PRPF18: variants seen among roughly 807,000 people sequenced by gnomAD.
PRPF18 encodes the protein pre-mRNA-splicing factor 18.
In PRPF18, 38 loss-of-function variants were observed where a neutral mutation model predicts 46.5. The ratio of observed to expected loss-of-function variants is 0.82; its 90% CI spans 0.63 to 1.07. The LOEUF (loss-of-function observed/expected upper bound fraction) is 1.07. PRPF18 is among the 50% of genes least tolerant of loss of function. PRPF18 has a pLI of 0.00. For synonymous variants in PRPF18, 152 were observed against 146.7 expected, an observed-to-expected ratio of 1.04 and a Z score of -0.26; for missense variants, 263 against 410.0, an observed-to-expected ratio of 0.64 and a Z score of 3.10.
At chr10:13,610,332 C>T in intron 5 of PRPF18, 147 bp downstream of exon 5, 1 of 923,694 alleles carries the variant, frequency 1.1e-6, no homozygotes, top group Non-Finnish European at 1.5e-6. Context: ...TTTATTTACT[C>T]CCCTTTTTCT....
At chr10:13,588,785 C>G (rs1046525401) in intron 1 of PRPF18, among the ~76,000 whole-genome samples, 15 of 152,206 alleles carry the variant, frequency 9.9e-5, no homozygotes, top group African/African-American at 3.6e-4. Context: ...AGATGATCTC[C>G]CTTACTTTAT....
At chr10:13,635,187 C>A (rs2080626399), downstream of PRPF18, among the ~76,000 whole-genome samples, 1 of 152,152 alleles carries the variant, frequency 6.6e-6, no homozygotes, top group South Asian at 2.1e-4. Context: ...AGGATAATGG[C>A]CTCCAGCTCC....
intron 9 of PRPF18, among the ~76,000 whole-genome samples, chr10:13,619,744 T>C (rs1300203537): frequency 6.6e-6 from 1 of 152,098 alleles, no homozygotes; most frequent in Non-Finnish European, 1.5e-5. Flanking sequence ...GCTTGGCCTC[T>C]CTGTTGATGA....
intron 9 of PRPF18, among the ~76,000 whole-genome samples, chr10:13,618,379 A>G (rs1424890838): frequency 1.3e-5 from 2 of 152,202 alleles, no homozygotes; most frequent in Admixed American, 6.5e-5. Context: ...TGTAATCCCA[A>G]CACTTCGAGT....
chr10:13,592,856 T>C (rs1043919335), intron 1 of PRPF18, among the ~76,000 whole-genome samples: 1 of 152,258 alleles, frequency 6.6e-6, no homozygotes, highest in Non-Finnish European at 1.5e-5. Flanking sequence ...ATATGCAAGA[T>C]ACTATGCTGT....
At chr10:13,617,943 T>C (rs1262543127) in intron 9 of PRPF18, among the ~76,000 whole-genome samples, 1 of 152,176 alleles carries the variant, frequency 6.6e-6, no homozygotes, top group Non-Finnish European at 1.5e-5. Flanking sequence ...AGTGGTATTC[T>C]TGTGGATAGG....
the PRPF18 span, chr10:13,653,719 C>T: frequency 6.6e-6 from 1 of 151,768 alleles, no homozygotes; most frequent in East Asian, 1.9e-4. Flanking sequence ...GAGATGATGT[C>T]TCAGGGGCAA....
At chr10:13,626,089 T>C (rs996282805) in intron 9 of PRPF18, among the ~76,000 whole-genome samples, 2 of 152,136 alleles carry the variant, frequency 1.3e-5, no homozygotes, top group Non-Finnish European at 2.9e-5. Flanking sequence ...AGTGGTAGAA[T>C]TGGGATTGGA....
chr10:13,618,665 T>A (rs1461089588), intron 9 of PRPF18, among the ~76,000 whole-genome samples: 1 of 149,734 alleles, frequency 6.7e-6, no homozygotes, highest in Non-Finnish European at 1.5e-5. Flanking sequence ...GGACTAAATT[T>A]AGTGTAATAA....
chr10:13,612,250 A>G (rs147100488), intron 6 of PRPF18, among the ~76,000 whole-genome samples: 154 of 152,216 alleles, frequency 1.0e-3, no homozygotes, highest in Non-Finnish European at 1.8e-3. Context: ...TCACAACAGC[A>G]GAATTAATAA....
chr10:13,645,189 A>G, the PRPF18 span: 1 of 152,138 alleles, frequency 6.6e-6, no homozygotes. Context: ...GGTAGAGCCT[A>G]TGGTTATTCT....
chr10:13,649,855 TA>T, the PRPF18 span, among the ~76,000 whole-genome samples: 1 of 152,204 alleles, frequency 6.6e-6, no homozygotes, highest in South Asian at 2.1e-4. Context: ...GGCCACTAAA[TA>T]GTTGCCCTAG....
chr10:13,605,672 A>G lies in PRPF18; in HGVS notation c.291A>G (p.Leu97=), dbSNP rs1032011840. 6.2e-7 allele frequency: 1 copy of G among 1,613,376 alleles called. No homozygotes were observed. Among genetic ancestry groups the G allele is most frequent in the Non-Finnish European group, 8.5e-7 (1 of 1,179,834 alleles). ...GAGAAAGAGGAGAACCAATCAGACT[A>G]TTTGGAGAGACTGATTATGATGCTT... ...RLRERGEPIR[L]FGETDYDAFQ... is the part of the protein sequence containing the mutation. Residue 97 remains leucine, a synonymous_variant, in exon 4 of 10, where the codon CTA becomes CTG. Transcript: ENST00000378572.
intron 5 of PRPF18, among the ~76,000 whole-genome samples, chr10:13,610,404 A>G (rs1410593969): frequency 1.3e-5 from 2 of 152,098 alleles, no homozygotes; most frequent in African/African-American, 4.8e-5. Flanking sequence ...AATATGTTGG[A>G]TATGCATCTT....
chr10:13,605,494 A>T (rs1038118576), intron 3 of PRPF18, 137 bp from the exon 4 acceptor site: 8 of 859,818 alleles, frequency 9.3e-6, no homozygotes, highest in Non-Finnish European at 1.1e-5. Context: ...AGGCAGGAGA[A>T]TCGCTTGAAC....
the PRPF18 span, chr10:13,640,902 G>C: frequency 6.6e-6 from 1 of 152,590 alleles, no homozygotes; most frequent in Admixed American, 6.6e-5. Flanking sequence ...TGATGCCTCT[G>C]CTCTATCCTG....
chr10:13,652,498 T>C, the PRPF18 span: 1 of 159,120 alleles, frequency 6.3e-6, no homozygotes, highest in Non-Finnish European at 1.4e-5. Context: ...AGGTATGTAT[T>C]ACATATATGA....
At chr10:13,615,284 T>A (rs1380730318) in intron 8 of PRPF18, among the ~76,000 whole-genome samples, 4 of 152,238 alleles carry the variant, frequency 2.6e-5, no homozygotes, top group African/African-American at 9.6e-5. Context: ...TAAGTGCAAG[T>A]GCAAGCTTAT....
intron 5 of PRPF18, 76 bp from the exon 6 acceptor site, chr10:13,611,539 A>G: frequency 8.4e-7 from 1 of 1,186,754 alleles, no homozygotes; most frequent in Non-Finnish European, 1.2e-6. Flanking sequence ...AGCCATGTTT[A>G]GACTGGTGTT....
Sources: gnomAD v4.1 joint callset for allele counts (sites outside exome capture counted in the v4.1 genomes callset) on GRCh38, gnomAD v4.1.1 for gene constraint, MANE v1.5 for transcripts, NCBI Gene and HGNC (gene_info 2026-07-23, HGNC 2026-07-21) for gene names.